Variants in NAT1 observed in about 807,000 individuals in gnomAD.
The protein encoded by NAT1 is arylamine N-acetyltransferase 1.
For synonymous variants in NAT1, 144 were observed against 122.6 expected (o/e 1.17, Z -1.16); for missense variants, 400 against 339.2 (o/e 1.18, Z -1.41).
intron 2 of NAT1, among the ~76,000 whole-genome samples, chr8:18,173,385 G>C (rs542259123): frequency 1.8e-4 from 27 of 152,256 alleles, no homozygotes; most frequent in African/African-American, 6.3e-4. Context: ...CTCATGGAAT[G>C]AATGTTCTTT....
intron 2 of NAT1, among the ~76,000 whole-genome samples, chr8:18,180,282 G>A (rs1289436418): frequency 6.6e-6 from 1 of 152,094 alleles, no homozygotes; most frequent in Non-Finnish European, 1.5e-5. Context: ...CTTAGATGAA[G>A]GGAAAATGAA....
intron 1 of NAT1, among the ~76,000 whole-genome samples, chr8:18,216,173 C>T (rs1328788830): frequency 6.6e-6 from 1 of 152,144 alleles, no homozygotes; most frequent in Non-Finnish European, 1.5e-5. Context: ...GCTGTGGTTT[C>T]AGCCAGTTGG....
intron 2 of NAT1, among the ~76,000 whole-genome samples, chr8:18,189,425 G>A (rs192240945): frequency 1.0e-3 from 156 of 152,192 alleles, no homozygotes; most frequent in East Asian, 3.1e-3. Context: ...TACTCTGGGG[G>A]AGGCATATCA....
intron 1 of NAT1, among the ~76,000 whole-genome samples, chr8:18,217,573 T>G (rs1023460199): frequency 2.0e-5 from 3 of 152,250 alleles, no homozygotes; most frequent in Non-Finnish European, 2.9e-5. Context: ...CCTTGGGGCA[T>G]GACAGCCCAC....
intron 1 of NAT1, among the ~76,000 whole-genome samples, chr8:18,211,749 A>C (rs764626805): frequency 6.6e-6 from 1 of 152,030 alleles, no homozygotes; most frequent in Non-Finnish European, 1.5e-5. Context: ...TTGTAGTGTC[A>C]ATTTAGTGGG....
At position 18,223,144 on chromosome 8, in the gene NAT1, T is replaced by C. The variant is rs1423641780; in HGVS notation, c.*224T>C. ...ATAATAATAATAATAAAAAATGTAT[T>C]TTAAAGATGGCCTGTGGTTATCTTG... On this transcript the variant is annotated 3_prime_UTR_variant, in exon 3 of 3. Transcript: ENST00000307719. The C allele has an allele frequency of 5.2e-6, 1 of 192,048 alleles. No homozygotes were observed. The highest frequency in any genetic ancestry group is 2.4e-5 in the African/African-American group (1 of 42,312). 11.9% of individuals were successfully genotyped at this position (192,048 alleles called of 1,614,324 possible).
chr8:18,179,117 C>A lies in NAT1; in HGVS notation n.92+8378C>A, dbSNP rs374481592. Reference sequence around the variant, plus strand: ...CTCTGTCCTGGCCAATTTGTTCTTACATCTCTCCATCTACTGCACAGTATT... The same window carrying A: ...CTCTGTCCTGGCCAATTTGTTCTTAAATCTCTCCATCTACTGCACAGTATT... On this transcript the variant is annotated intron_variant and non_coding_transcript_variant, in intron 2 of 4. Coordinates refer to the NAT1 transcript ENST00000517441. Among the ~76,000 whole-genome samples, 5 of 152,104 alleles carry A rather than the reference C, an allele frequency of 3.3e-5. No homozygotes were observed. The East Asian group carries it at 5.8e-4, about 18-fold the overall frequency.
At position 18,174,700 on chromosome 8, in the gene NAT1, G is replaced by A. The variant is rs144965008; in HGVS notation, n.92+3961G>A. Among the ~76,000 whole-genome samples the A allele has an allele frequency of 3.4e-3, 513 of 152,150 alleles. 2 individuals are homozygous for A. Among genetic ancestry groups the A allele is most frequent in the Non-Finnish European group, 5.6e-3 (384 of 68,000 alleles). ...TTTATTTATTTGTGTAGCAGTGGTA[G>A]CAAGCATAAGAATAGCAAGCATCAC... is the stretch of plus-strand genomic sequence containing the variant. On this transcript the variant is annotated intron_variant and non_coding_transcript_variant, in intron 2 of 4. Coordinates refer to the NAT1 transcript ENST00000517441.
At chr8:18,171,359 A>G (rs1802091827) in intron 2 of NAT1, among the ~76,000 whole-genome samples, 1 of 147,064 alleles carries the variant, frequency 6.8e-6, no homozygotes, top group African/African-American at 2.4e-5. Flanking sequence ...GAGGCACGCA[A>G]AAGACTAAAT....
chr8:18,196,970 G>A (rs2410477), intron 2 of NAT1, among the ~76,000 whole-genome samples: 112,200 of 152,092 alleles, frequency 0.74, 42,236 homozygotes, highest in African/African-American at 0.88. Context: ...AAGAGGTTTC[G>A]TTGACTCACA....
intron 2 of NAT1, among the ~76,000 whole-genome samples, chr8:18,185,955 T>G (rs1369391775): frequency 2.0e-5 from 3 of 152,188 alleles, no homozygotes; most frequent in Admixed American, 2.0e-4. Context: ...TTAGAAAGTT[T>G]AAGTCCTCTT....
At chr8:18,178,176 G>A (rs1464556992) in intron 2 of NAT1, among the ~76,000 whole-genome samples, 1 of 151,938 alleles carries the variant, frequency 6.6e-6, no homozygotes, top group African/African-American at 2.4e-5. Flanking sequence ...AAGAGCAGGA[G>A]ATGCAAGAAC....
chr8:18,196,753 T>A (rs184112125), intron 2 of NAT1, among the ~76,000 whole-genome samples: 142 of 152,358 alleles, frequency 9.3e-4, no homozygotes, highest in African/African-American at 3.3e-3. Context: ...AACACCTGAC[T>A]GTCCTAGCTT....
intron 2 of NAT1, among the ~76,000 whole-genome samples, chr8:18,181,317 T>TGG (rs1209466997): frequency 6.6e-6 from 1 of 152,160 alleles, no homozygotes; most frequent in Non-Finnish European, 1.5e-5. Flanking sequence ...AATTGGCTAT[T>TGG]GGCTGAGTAC....
At chr8:18,189,364 G>A (rs1240566609) in intron 2 of NAT1, among the ~76,000 whole-genome samples, 1 of 152,040 alleles carries the variant, frequency 6.6e-6, no homozygotes, top group Non-Finnish European at 1.5e-5. Context: ...AAGGTAGCAG[G>A]TATCAGCACC....
rs766818967 is a variant in NAT1 at position 18,222,278 on chromosome 8, G to C, written c.231G>C (p.Trp77Cys). 4 of 1,613,914 alleles carry C rather than the reference G, an allele frequency of 2.5e-6. No individual in the cohort carries two copies. The African/African-American group carries it at 4.0e-5, about 16-fold the overall frequency. The part of the protein sequence containing the change: ...WCLQVNHLLY[W>C]ALTTIGFETT... ...TCCAGGTCAATCATCTTCTGTACTG[G>C]GCTCTGACCACTATTGGTTTTGAGA... Residue 77 changes from tryptophan (W) to cysteine (C), a missense_variant, in exon 3 of 3, where the codon TGG becomes TGC. By Grantham distance (215) the Trp-to-Cys change is radical (BLOSUM62 -2). Coordinates refer to ENST00000307719, the MANE Select transcript of NAT1 (RefSeq NM_000662.8).
In NAT1 at chr8:18,222,334, C is replaced by T. The variant is rs746715596; in HGVS notation, c.287C>T (p.Thr96Ile). 1 of 1,614,116 alleles carries T rather than the reference C, an allele frequency of 6.2e-7. No individual in the cohort carries two copies. The highest frequency in any genetic ancestry group is 1.7e-5 in the Admixed American group (1 of 60,008). Reference protein sequence around the residue: ...TTMLGGYVYSTPAKKYSTGMI... With the variant: ...TTMLGGYVYSIPAKKYSTGMI... ...ATGTTGGGAGGGTATGTTTACAGCACTCCAGCCAAAAAATACAGCACTGGC... is the reference window on the plus strand; with the variant it reads ...ATGTTGGGAGGGTATGTTTACAGCATTCCAGCCAAAAAATACAGCACTGGC... Residue 96 changes from threonine (T) to isoleucine (I), a missense_variant, in exon 3 of 3, where the codon ACT (threonine) becomes ATT (isoleucine). Physicochemically the swap from Thr to Ile is moderately conservative, Grantham distance 89. Coordinates refer to ENST00000307719, the MANE Select transcript of NAT1 (RefSeq NM_000662.8).
chr8:18,194,845 G>A (rs568236958), intron 2 of NAT1, among the ~76,000 whole-genome samples: 1 of 151,628 alleles, frequency 6.6e-6, no homozygotes, highest in Non-Finnish European at 1.5e-5. Context: ...GAATATTCAG[G>A]CAGAGGCAGC....
intron 2 of NAT1, among the ~76,000 whole-genome samples, chr8:18,171,500 T>C (rs559229106): frequency 6.6e-6 from 1 of 152,308 alleles, no homozygotes; most frequent in African/African-American, 2.4e-5. Context: ...CTACATGTTT[T>C]TACCTCAAGT....
Sources: gnomAD v4.1 joint callset for allele counts (sites outside exome capture counted in the v4.1 genomes callset) on GRCh38, gnomAD v4.1.1 for gene constraint, MANE v1.5 for transcripts, NCBI Gene and HGNC (gene_info 2026-07-23, HGNC 2026-07-21) for gene names.